Variants in ABI1 observed in about 807,000 individuals in gnomAD.
ABI1 encodes Abelson interactor 1.
ABI1 carries 14 observed loss-of-function variants against 54.6 expected under a neutral mutation model. The ratio of observed to expected loss-of-function variants is 0.26; its 90% CI spans 0.17 to 0.40. The LOEUF is 0.40. Ranked by LOEUF, ABI1 falls within the 10% of genes least tolerant of loss-of-function variation. The pLI, the probability that ABI1 is intolerant of heterozygous loss-of-function variation, is 1.00. For missense variants in ABI1, 443 were observed against 598.3 expected, an observed-to-expected ratio of 0.74 and a Z score of 2.71; for synonymous variants, 194 against 209.3, an observed-to-expected ratio of 0.93 and a Z score of 0.63.
intron 2 of ABI1, among the ~76,000 whole-genome samples, chr10:26,779,442 G>A (rs1351513160): frequency 6.6e-6 from 1 of 152,194 alleles, no homozygotes; most frequent in Non-Finnish European, 1.5e-5. Context: ...CAGCAGGTCT[G>A]CTTCATGAAA....
chr10:26,814,881 T>C (rs2047461140), intron 2 of ABI1, among the ~76,000 whole-genome samples: 1 of 152,184 alleles, frequency 6.6e-6, no homozygotes, highest in African/African-American at 2.4e-5. Context: ...CCTGATAGAA[T>C]TGGAGATGAT....
intron 7 of ABI1, among the ~76,000 whole-genome samples, chr10:26,763,078 T>C (rs1044690937): frequency 1.3e-5 from 2 of 152,192 alleles, no homozygotes; most frequent in Non-Finnish European, 2.9e-5. Flanking sequence ...GCTATTTTTT[T>C]CTCACAGATT....
chr10:26,811,727 ATT>A (rs1366664273), intron 2 of ABI1, among the ~76,000 whole-genome samples: 6 of 11,748 alleles, frequency 5.1e-4, no homozygotes, highest in African/African-American at 8.6e-4. Flanking sequence ...TCTGACAAAG[ATT>A]TGTATAAATT....
Position 26,787,884 on chromosome 10 carries a change from C to T in ABI1, c.286-10643G>A, listed in dbSNP as rs371602429. Among the ~76,000 whole-genome samples the T allele has an allele frequency of 1.7e-4, 26 of 150,006 alleles. No individual in the cohort carries two copies. The East Asian group carries it at 2.9e-3, about 17-fold the overall frequency. On this transcript the variant is annotated intron_variant, in intron 2 of 10. Transcript: ENST00000376140. ...TGGTTAAAAAAAAAAAAAAAGCGTG[C>T]AATCTTGAAATTAGAAAATTATGTT...
chr10:26,797,361 A>G (rs1406101592), intron 2 of ABI1, among the ~76,000 whole-genome samples: 8 of 152,230 alleles, frequency 5.3e-5, no homozygotes, highest in Admixed American at 1.3e-4. Flanking sequence ...CCTGGTATAC[A>G]ATATGCACTC....
intron 3 of ABI1, among the ~76,000 whole-genome samples, chr10:26,772,443 T>C (rs777172747): frequency 1.3e-5 from 2 of 152,134 alleles, no homozygotes; most frequent in Non-Finnish European, 2.9e-5. Context: ...TTCCTTCATT[T>C]GTCATTTCAA....
At chr10:26,817,608 A>G (rs2047661561) in intron 2 of ABI1, among the ~76,000 whole-genome samples, 1 of 152,158 alleles carries the variant, frequency 6.6e-6, no homozygotes, top group Non-Finnish European at 1.5e-5. Flanking sequence ...TGGAAAAAGG[A>G]AAGAAGTTTT....
chr10:26,819,382 A>T (rs1212643447), intron 2 of ABI1, among the ~76,000 whole-genome samples: 1 of 152,246 alleles, frequency 6.6e-6, no homozygotes, highest in Non-Finnish European at 1.5e-5. Context: ...AGTGGACCTA[A>T]CAAGCCAAAG....
chr10:26,854,629 A>G (rs2050671360), intron 1 of ABI1, among the ~76,000 whole-genome samples: 1 of 152,210 alleles, frequency 6.6e-6, no homozygotes, highest in African/African-American at 2.4e-5. Flanking sequence ...CTTCTGTTAA[A>G]TACATTTACA....
intron 3 of ABI1, among the ~76,000 whole-genome samples, chr10:26,775,471 C>T (rs1841270750): frequency 6.6e-6 from 1 of 151,500 alleles, no homozygotes; most frequent in African/African-American, 2.4e-5. Context: ...TATCTCACCA[C>T]AATAAAAAAA....
rs1318647054 is a variant in ABI1 at position 26,751,505 on chromosome 10, G to A, written c.1270+93C>T. ...TCTTGGTTGGTAAGGCAGTTTAAAA[G>A]GCTGAGAAACATTGGATTAGATGTT... On this transcript the variant is annotated intron_variant, in intron 10 of 10. Coordinates refer to ENST00000376140, the MANE Select transcript of ABI1 (RefSeq NM_001012750.3). The A allele has an allele frequency of 1.4e-5, 18 of 1,302,354 alleles. No individual in the cohort carries two copies. The African/African-American group carries it at 1.7e-4, about 12-fold the overall frequency. 80.7% of individuals were successfully genotyped at this position (1,302,354 alleles called of 1,614,324 possible).
chr10:26,836,128 T>C (rs2049054658), intron 1 of ABI1, among the ~76,000 whole-genome samples: 1 of 152,112 alleles, frequency 6.6e-6, no homozygotes, highest in South Asian at 2.1e-4. Flanking sequence ...TTTTTGTTTT[T>C]TTGAGACACA....
chr10:26,790,223 G>T (rs551500825), intron 2 of ABI1, among the ~76,000 whole-genome samples: 4 of 152,248 alleles, frequency 2.6e-5, no homozygotes, highest in African/African-American at 9.6e-5. Flanking sequence ...CTTCCACAAT[G>T]GTTGAACTAA....
At chr10:26,835,106 A>AC (rs1554829832) in intron 1 of ABI1, among the ~76,000 whole-genome samples, 3,229 of 124,786 alleles carry the variant, frequency 0.026, 344 homozygotes, top group East Asian at 0.23. Flanking sequence ...AAAAAAAAAA[A>AC]AAAAAAAAAC....
chr10:26,850,327 GTT>G (rs2050284649), intron 1 of ABI1, among the ~76,000 whole-genome samples: 3 of 152,208 alleles, frequency 2.0e-5, no homozygotes, highest in Non-Finnish European at 4.4e-5. Context: ...CTCAGTTTTA[GTT>G]TTAGTACAGT....
chr10:26,796,646 G>C (rs1482730637), intron 2 of ABI1, among the ~76,000 whole-genome samples: 1 of 152,194 alleles, frequency 6.6e-6, no homozygotes, highest in African/African-American at 2.4e-5. Flanking sequence ...CATTAAATAA[G>C]TAGATTTTAG....
At chr10:26,768,826 T>A in intron 6 of ABI1, 26 bp downstream of exon 6, 1 of 1,598,860 alleles carries the variant, frequency 6.3e-7, no homozygotes, top group Non-Finnish European at 8.5e-7. Context: ...TTTAGAGATG[T>A]TGAGATACTC....
intron 5 of ABI1, among the ~76,000 whole-genome samples, chr10:26,769,325 T>G (rs896977516): frequency 1.3e-5 from 2 of 152,216 alleles, no homozygotes; most frequent in Non-Finnish European, 2.9e-5. Context: ...CAGTCACCCA[T>G]AAGCCACTGT....
chr10:26,794,055 CA>C, intron 2 of ABI1, among the ~76,000 whole-genome samples: 1 of 152,164 alleles, frequency 6.6e-6, no homozygotes, highest in Non-Finnish European at 1.5e-5. Context: ...CCAGCCTGGC[CA>C]ACATGGTGAA....
Sources: allele counts gnomAD v4.1 joint callset (sites outside exome capture counted in the v4.1 genomes callset), GRCh38; gene constraint gnomAD v4.1.1; transcripts MANE v1.5; gene names NCBI Gene and HGNC (gene_info 2026-07-23, HGNC 2026-07-21).